The following SLCO3A1 variants were observed in gnomAD, a reference collection of about 807,000 sequenced individuals.
SLCO3A1 encodes PGE1 transporter.
SLCO3A1 carries 27 observed loss-of-function variants against 63.1 expected under a neutral mutation model. The observed-to-expected ratio is 0.43, with a 90% CI of 0.32 to 0.59. The LOEUF (loss-of-function observed/expected upper bound fraction) is 0.59, where lower values mean the gene tolerates loss of function less well. Ranked by LOEUF, SLCO3A1 falls within the 20% of genes least tolerant of loss-of-function variation. The probability of loss-of-function intolerance (pLI) is 0.09; values close to 1 mark genes in which losing one functional copy is unlikely to be tolerated. For synonymous variants in SLCO3A1, 473 were observed against 409.9 expected (o/e 1.15, Z -1.86); for missense variants, 773 against 945.8 (o/e 0.82, Z 2.40).
intron 2 of SLCO3A1, among the ~76,000 whole-genome samples, chr15:92,087,876 C>A (rs182640886): frequency 6.6e-6 from 1 of 152,274 alleles, no homozygotes; most frequent in East Asian, 1.9e-4. Context: ...TCTTCCTGGA[C>A]CAGAAAATTT....
chr15:92,072,078 G>C (rs560139639), intron 2 of SLCO3A1, among the ~76,000 whole-genome samples: 96 of 152,268 alleles, frequency 6.3e-4, no homozygotes, highest in African/African-American at 2.2e-3. Context: ...TTTCCCTCCT[G>C]GATTCCAATA....
chr15:91,943,108 A>G (rs1412510987), intron 2 of SLCO3A1, among the ~76,000 whole-genome samples: 2 of 152,240 alleles, frequency 1.3e-5, no homozygotes, highest in African/African-American at 4.8e-5. Context: ...GACACATAGC[A>G]TAAAACGTAG....
intron 2 of SLCO3A1, among the ~76,000 whole-genome samples, chr15:92,055,536 CT>C (rs1219614852): frequency 3.3e-5 from 5 of 152,058 alleles, no homozygotes; most frequent in Admixed American, 1.3e-4. Context: ...ACTTCCTTTC[CT>C]TATTCATTCT....
chr15:92,084,778 C>G (rs1205404522), intron 2 of SLCO3A1, among the ~76,000 whole-genome samples: 1 of 152,198 alleles, frequency 6.6e-6, no homozygotes, highest in East Asian at 1.9e-4. Context: ...CCATGCTACA[C>G]TTTGACAAAG....
intron 4 of SLCO3A1, among the ~76,000 whole-genome samples, chr15:92,112,030 A>T (rs2047735193): frequency 6.6e-6 from 1 of 152,216 alleles, no homozygotes; most frequent in East Asian, 1.9e-4. Context: ...CAGAGTAGAA[A>T]GTGGAAAGGC....
chr15:92,035,607 A>G (rs1294912930), intron 2 of SLCO3A1, among the ~76,000 whole-genome samples: 1 of 151,686 alleles, frequency 6.6e-6, no homozygotes, highest in Non-Finnish European at 1.5e-5. Flanking sequence ...AGGACAGTTT[A>G]GAGAGGGAGG....
intron 9 of SLCO3A1, among the ~76,000 whole-genome samples, chr15:92,154,980 C>T (rs528521127): frequency 1.3e-5 from 2 of 152,174 alleles, no homozygotes; most frequent in Admixed American, 1.3e-4. Flanking sequence ...ATGACAAAGC[C>T]CAGGGTGTTG....
At chr15:91,994,051 C>T (rs1391443955) in intron 2 of SLCO3A1, among the ~76,000 whole-genome samples, 3 of 152,202 alleles carry the variant, frequency 2.0e-5, no homozygotes, top group African/African-American at 7.2e-5. Flanking sequence ...CATCAGAGAC[C>T]ACAGCTAGAA....
intron 2 of SLCO3A1, among the ~76,000 whole-genome samples, chr15:91,959,721 C>T (rs1341517321): frequency 2.3e-4 from 19 of 81,130 alleles, no homozygotes; most frequent in Non-Finnish European, 4.5e-4. Flanking sequence ...GAGACTCCAT[C>T]TCAAAAAAAA....
intron 2 of SLCO3A1, among the ~76,000 whole-genome samples, chr15:91,998,403 G>A (rs1004836281): frequency 6.6e-6 from 1 of 152,042 alleles, no homozygotes; most frequent in African/African-American, 2.4e-5. Context: ...GCAGCGTGCC[G>A]AGATCGAGCC....
intron 8 of SLCO3A1, chr15:92,148,665 T>TATTCAGAC (rs1432193725): frequency 1.3e-5 from 2 of 152,170 alleles, no homozygotes; most frequent in East Asian, 1.9e-4. Context: ...GCCATACAAA[T>TATTCAGAC]ATTCAGACCC....
At chr15:91,993,236 C>G (rs1194375983) in intron 2 of SLCO3A1, among the ~76,000 whole-genome samples, 1 of 152,176 alleles carries the variant, frequency 6.6e-6, no homozygotes, top group Non-Finnish European at 1.5e-5. Flanking sequence ...AACATTTCAA[C>G]CAACACATAA....
intron 2 of SLCO3A1, among the ~76,000 whole-genome samples, chr15:91,918,725 CACTTA>C (rs1244973024): frequency 6.6e-6 from 1 of 150,544 alleles, no homozygotes; most frequent in Non-Finnish European, 1.5e-5. Flanking sequence ...TTCCTGAAGC[CACTTA>C]ACTTTACTTC....
chr15:91,934,215 T>C (rs1026842872), intron 2 of SLCO3A1, among the ~76,000 whole-genome samples: 2 of 151,988 alleles, frequency 1.3e-5, no homozygotes, highest in Non-Finnish European at 2.9e-5. Flanking sequence ...CCCCAGTGAG[T>C]GTTACAGGAG....
intron 2 of SLCO3A1, among the ~76,000 whole-genome samples, chr15:92,008,384 T>C (rs1000778343): frequency 6.6e-6 from 1 of 152,152 alleles, no homozygotes; most frequent in Admixed American, 6.5e-5. Context: ...TGAACTCCAG[T>C]TTGCCCTGCT....
At chr15:91,962,430 G>T (rs1292476048) in intron 2 of SLCO3A1, among the ~76,000 whole-genome samples, 1 of 136,198 alleles carries the variant, frequency 7.3e-6, no homozygotes, top group African/African-American at 2.8e-5. Context: ...GGTGAACTGA[G>T]ATCGCGCCAT....
chr15:91,867,533 A>G (rs1465026035), intron 1 of SLCO3A1, among the ~76,000 whole-genome samples: 1 of 151,148 alleles, frequency 6.6e-6, no homozygotes, highest in Non-Finnish European at 1.5e-5. Flanking sequence ...AAATAAAACC[A>G]CTTTTGCTTG....
chr15:92,067,285 C>T (rs1028217387), intron 2 of SLCO3A1, among the ~76,000 whole-genome samples: 2 of 152,166 alleles, frequency 1.3e-5, no homozygotes, highest in Admixed American at 6.5e-5. Flanking sequence ...AGTGATGCCC[C>T]AGTGAGGCCA....
chr15:91,944,934 T>C (rs1024388767), intron 2 of SLCO3A1, among the ~76,000 whole-genome samples: 3 of 152,192 alleles, frequency 2.0e-5, no homozygotes, highest in Non-Finnish European at 2.9e-5. Context: ...TTTCAACTTT[T>C]CTCCAATATT....
Sources: allele counts gnomAD v4.1 joint callset (sites outside exome capture counted in the v4.1 genomes callset), GRCh38; gene constraint gnomAD v4.1.1; transcripts MANE v1.5; gene names NCBI Gene and HGNC (gene_info 2026-07-23, HGNC 2026-07-21).